Variants in OSBPL10 observed in about 807,000 individuals in gnomAD.
The protein encoded by OSBPL10 is oxysterol binding protein like 10.
OSBPL10 carries 49 observed loss-of-function variants against 81.7 expected under a neutral mutation model. The observed-to-expected ratio is 0.60, with a 90% CI of 0.48 to 0.76. OSBPL10 has a LOEUF of 0.76. OSBPL10 is among the 30% of genes least tolerant of loss of function. The pLI, the probability that OSBPL10 is intolerant of heterozygous loss-of-function variation, is 0.00. For missense variants in OSBPL10, 923 were observed against 987.8 expected, an observed-to-expected ratio of 0.93 and a Z score of 0.88; for synonymous variants, 419 against 383.6, an observed-to-expected ratio of 1.09 and a Z score of -1.08.
chr3:31,896,539 G>A (rs1471209778), intron 1 of OSBPL10, among the ~76,000 whole-genome samples: 2 of 152,324 alleles, frequency 1.3e-5, no homozygotes, highest in East Asian at 1.9e-4. Context: ...GCAGAGAGCC[G>A]TGCAGAGCAG....
At chr3:31,796,889 C>G (rs910635547) in intron 4 of OSBPL10, among the ~76,000 whole-genome samples, 14 of 152,100 alleles carry the variant, frequency 9.2e-5, no homozygotes, top group Admixed American at 6.5e-5. Flanking sequence ...CTCCCCTCTC[C>G]TCACTTCTCT....
At chr3:31,782,735 G>C (rs1400228964) in intron 4 of OSBPL10, among the ~76,000 whole-genome samples, 2 of 152,126 alleles carry the variant, frequency 1.3e-5, no homozygotes, top group African/African-American at 4.8e-5. Flanking sequence ...AAATAACAAT[G>C]AGATACCACC....
intron 1 of OSBPL10, among the ~76,000 whole-genome samples, chr3:31,893,924 A>G (rs941382231): frequency 6.6e-5 from 10 of 152,212 alleles, no homozygotes; most frequent in Admixed American, 5.2e-4. Context: ...AATATTCTCA[A>G]ACTGAATTGT....
intron 4 of OSBPL10, among the ~76,000 whole-genome samples, chr3:31,805,219 C>G (rs1699491474): frequency 6.6e-6 from 1 of 152,166 alleles, no homozygotes; most frequent in Non-Finnish European, 1.5e-5. Context: ...AAACAAAATT[C>G]ACAACCTGTC....
At chr3:31,860,026 G>A (rs912091385) in intron 3 of OSBPL10, among the ~76,000 whole-genome samples, 2 of 152,100 alleles carry the variant, frequency 1.3e-5, no homozygotes, top group African/African-American at 2.4e-5. Flanking sequence ...TAAGAATGGT[G>A]TGGTGGACAT....
At chr3:31,900,874 G>C (rs2125676543) in intron 1 of OSBPL10, among the ~76,000 whole-genome samples, 1 of 152,264 alleles carries the variant, frequency 6.6e-6, no homozygotes, top group South Asian at 2.1e-4. Context: ...CATTAAGTAT[G>C]ATGTTAGCTG....
chr3:31,969,070 A>T (rs1015673110), intron 1 of OSBPL10, among the ~76,000 whole-genome samples: 1 of 152,230 alleles, frequency 6.6e-6, no homozygotes, highest in African/African-American at 2.4e-5. Context: ...CTGTGTGGTT[A>T]GCCAAGGGGA....
chr3:31,902,339 T>G (rs1343672777), intron 1 of OSBPL10, among the ~76,000 whole-genome samples: 3 of 148,690 alleles, frequency 2.0e-5, no homozygotes, highest in Non-Finnish European at 4.4e-5. Flanking sequence ...CTCGGCTTAC[T>G]GCAACCTCTG....
intron 4 of OSBPL10, among the ~76,000 whole-genome samples, chr3:31,787,477 C>T (rs1575544334): frequency 6.6e-6 from 1 of 152,034 alleles, no homozygotes; most frequent in African/African-American, 2.4e-5. Flanking sequence ...TCCCTGTAGT[C>T]CCAGCTACTT....
intron 4 of OSBPL10, among the ~76,000 whole-genome samples, chr3:31,808,694 C>G (rs1699584732): frequency 6.6e-6 from 1 of 152,228 alleles, no homozygotes; most frequent in Non-Finnish European, 1.5e-5. Flanking sequence ...ACATTCCTTT[C>G]CGATATTCCT....
intron 1 of OSBPL10, among the ~76,000 whole-genome samples, chr3:31,889,598 A>C (rs1025100892): frequency 6.6e-6 from 1 of 152,162 alleles, no homozygotes; most frequent in African/African-American, 2.4e-5. Flanking sequence ...GAAACTTAAA[A>C]AAAAAAAATT....
chr3:31,929,726 C>T (rs1165986513), intron 1 of OSBPL10, among the ~76,000 whole-genome samples: 3 of 142,992 alleles, frequency 2.1e-5, no homozygotes. Flanking sequence ...CCAGCCTGGG[C>T]GACAGGGCAA....
intron 6 of OSBPL10, among the ~76,000 whole-genome samples, chr3:31,730,820 C>G (rs1011576124): frequency 6.6e-6 from 1 of 152,200 alleles, no homozygotes; most frequent in Admixed American, 6.5e-5. Context: ...CTTATCCCCC[C>G]AAAGACCTAA....
chr3:31,881,115 T>G (rs1172726311), intron 1 of OSBPL10, among the ~76,000 whole-genome samples: 2 of 152,198 alleles, frequency 1.3e-5, no homozygotes, highest in Non-Finnish European at 2.9e-5. Flanking sequence ...TTTGAAATGC[T>G]CCCTCATGGT....
At chr3:32,035,127 G>A (rs1429996536) in intron 2 of OSBPL10, among the ~76,000 whole-genome samples, 1 of 152,160 alleles carries the variant, frequency 6.6e-6, no homozygotes, top group Non-Finnish European at 1.5e-5. Context: ...GGGGCCGTAG[G>A]ATATACCATA....
At chr3:31,863,224 A>G (rs906383577) in intron 3 of OSBPL10, among the ~76,000 whole-genome samples, 7 of 152,194 alleles carry the variant, frequency 4.6e-5, no homozygotes, top group Non-Finnish European at 1.0e-4. Context: ...GCAAATCCAT[A>G]GAGACAGTGG....
intron 11 of OSBPL10, chr3:31,662,398 A>T (rs1374934891): frequency 8.6e-7 from 1 of 1,166,762 alleles, no homozygotes; most frequent in Non-Finnish European, 1.1e-6. Flanking sequence ...TGGCCAAAAA[A>T]AAGAAGCACT....
At chr3:31,721,469 C>T (rs950499092) in intron 6 of OSBPL10, 9 of 152,240 alleles carry the variant, frequency 5.9e-5, no homozygotes, top group African/African-American at 1.7e-4. Flanking sequence ...TGCTCACTGA[C>T]CTGGGGCCGC....
intron 4 of OSBPL10, among the ~76,000 whole-genome samples, chr3:31,818,218 G>C (rs1208329737): frequency 6.6e-6 from 1 of 152,146 alleles, no homozygotes; most frequent in African/African-American, 2.4e-5. Flanking sequence ...CCTCTGTAAT[G>C]TGGGTGGGCC....
Sources: gnomAD v4.1 joint callset for allele counts (sites outside exome capture counted in the v4.1 genomes callset) on GRCh38, gnomAD v4.1.1 for gene constraint, MANE v1.5 for transcripts, NCBI Gene and HGNC (gene_info 2026-07-23, HGNC 2026-07-21) for gene names.